Variants in NAV3 observed in about 807,000 individuals in gnomAD.
NAV3 encodes the protein pore membrane and/or filament interacting like protein 1.
In NAV3, 87 loss-of-function variants were observed where a neutral mutation model predicts 244.7. The observed-to-expected ratio is 0.36, with a 90% confidence interval of 0.30 to 0.42. The LOEUF (loss-of-function observed/expected upper bound fraction) is 0.42, where lower values mean the gene tolerates loss of function less well. Ranked by LOEUF, NAV3 falls within the 20% of genes least tolerant of loss-of-function variation. NAV3 has a pLI of 1.00. For missense variants in NAV3, 2,663 were observed against 2,893.3 expected (o/e 0.92, Z 1.83); for synonymous variants, 1,126 against 1,042.2 (o/e 1.08, Z -1.55).
chr12:78,180,813 TG>T (rs1958465905), intron 29 of NAV3, 57 bp from the exon 30 acceptor site: 3 of 1,398,486 alleles, frequency 2.1e-6, no homozygotes, highest in Admixed American at 2.1e-5. Context: ...AAAGACTTGG[TG>T]CTATTTTCTC....
chr12:77,960,927 ATAT>A (rs1390297821), intron 3 of NAV3, among the ~76,000 whole-genome samples: 1 of 146,800 alleles, frequency 6.8e-6, no homozygotes, highest in Non-Finnish European at 1.5e-5. Flanking sequence ...TGTGTTTAAT[ATAT>A]TATGTGTATA....
At chr12:77,582,260 C>T (rs556729194) in intron 2 of NAV3, among the ~76,000 whole-genome samples, 132 of 152,304 alleles carry the variant, frequency 8.7e-4, no homozygotes, top group African/African-American at 3.1e-3. Flanking sequence ...GGACATTAAT[C>T]TACAAAGCCT....
At chr12:77,709,357 G>A (rs1410541489) in intron 2 of NAV3, among the ~76,000 whole-genome samples, 1 of 152,118 alleles carries the variant, frequency 6.6e-6, no homozygotes, top group Non-Finnish European at 1.5e-5. Flanking sequence ...TACTGAATGG[G>A]CAAAAACTGG....
intron 23 of NAV3, among the ~76,000 whole-genome samples, chr12:78,164,694 G>T (rs921074201): frequency 6.6e-6 from 1 of 152,022 alleles, no homozygotes; most frequent in Non-Finnish European, 1.5e-5. Context: ...GGTTATTTCA[G>T]TAGAACAACT....
At chr12:77,587,538 T>TA (rs1291069841) in intron 2 of NAV3, among the ~76,000 whole-genome samples, 2 of 152,342 alleles carry the variant, frequency 1.3e-5, no homozygotes, top group African/African-American at 4.8e-5. Flanking sequence ...AGTAAAATGT[T>TA]AATCAGCAAA....
intron 23 of NAV3, 22 bp downstream of exon 23, chr12:78,159,308 G>A (rs1957428017): frequency 6.2e-7 from 1 of 1,600,130 alleles, no homozygotes; most frequent in African/African-American, 1.3e-5. Flanking sequence ...AATTGCCACT[G>A]GAGACTGAAA....
intron 17 of NAV3, among the ~76,000 whole-genome samples, 156 bp downstream of exon 17, chr12:78,127,364 T>G (rs1955958071): frequency 6.6e-6 from 1 of 152,190 alleles, no homozygotes; most frequent in African/African-American, 2.4e-5. Context: ...GAACAGTTGG[T>G]GAGATAGCCC....
chr12:77,672,867 T>G (rs779210089), intron 2 of NAV3, among the ~76,000 whole-genome samples: 1 of 152,152 alleles, frequency 6.6e-6, no homozygotes, highest in South Asian at 2.1e-4. Context: ...TTTTAGTTAG[T>G]GTAAAATTGA....
At chr12:78,118,005 T>C (rs781751551) in intron 13 of NAV3, 22 bp from the exon 14 acceptor site, 1 of 1,530,866 alleles carries the variant, frequency 6.5e-7, no homozygotes, top group Middle Eastern at 1.8e-4. Flanking sequence ...ATAAAGTTTT[T>C]CTGTAATATT....
chr12:77,701,766 C>A (rs1180319244), intron 2 of NAV3, among the ~76,000 whole-genome samples: 2 of 151,854 alleles, frequency 1.3e-5, no homozygotes, highest in South Asian at 2.1e-4. Flanking sequence ...CATGTTCATT[C>A]CAAATCTGGG....
At chr12:77,816,586 C>T (rs1872535646) in intron 2 of NAV3, among the ~76,000 whole-genome samples, 2 of 152,174 alleles carry the variant, frequency 1.3e-5, no homozygotes, top group Non-Finnish European at 2.9e-5. Context: ...TTGCATGGTG[C>T]TTGGTTGTGA....
intron 2 of NAV3, among the ~76,000 whole-genome samples, chr12:77,646,928 C>T (rs2136973776): frequency 6.6e-6 from 1 of 152,092 alleles, no homozygotes; most frequent in South Asian, 2.1e-4. Context: ...TAGTTTGAAC[C>T]ATCCGAGCTT....
chr12:77,963,119 G>A (rs1330964081), intron 3 of NAV3, among the ~76,000 whole-genome samples: 1 of 151,982 alleles, frequency 6.6e-6, no homozygotes, highest in Non-Finnish European at 1.5e-5. Context: ...CTGTTTGTAA[G>A]TTACCAAAAA....
intron 1 of NAV3, among the ~76,000 whole-genome samples, chr12:77,876,616 T>C (rs1284457273): frequency 6.6e-6 from 1 of 152,082 alleles, no homozygotes; most frequent in Non-Finnish European, 1.5e-5. Context: ...ATTAGTGGAA[T>C]CTATAGACAG....
chr12:78,167,740 A>G (rs1293680012), intron 23 of NAV3, among the ~76,000 whole-genome samples: 3 of 151,626 alleles, frequency 2.0e-5, no homozygotes, highest in African/African-American at 7.3e-5. Flanking sequence ...ATACATTACC[A>G]AGGAATTCTC....
intron 2 of NAV3, among the ~76,000 whole-genome samples, chr12:77,600,642 T>C (rs1026769831): frequency 1.3e-5 from 2 of 151,976 alleles, no homozygotes; most frequent in African/African-American, 2.4e-5. Flanking sequence ...AGGGAATGAG[T>C]GTGTCTCGCA....
intron 2 of NAV3, among the ~76,000 whole-genome samples, chr12:77,706,523 C>G (rs1289567042): frequency 6.6e-6 from 1 of 151,084 alleles, no homozygotes; most frequent in Non-Finnish European, 1.5e-5. Flanking sequence ...CTTGGCTGAT[C>G]GTTATCAATA....
chr12:77,627,969 T>C (rs1283318369), intron 2 of NAV3, among the ~76,000 whole-genome samples: 2 of 152,122 alleles, frequency 1.3e-5, no homozygotes, highest in Non-Finnish European at 1.5e-5. Context: ...AGAAAGTTGA[T>C]GTCATGGAGG....
intron 2 of NAV3, among the ~76,000 whole-genome samples, chr12:77,584,249 C>A (rs540508174): frequency 9.1e-4 from 138 of 152,246 alleles, no homozygotes; most frequent in Non-Finnish European, 1.4e-3. Context: ...TACTCAGGAA[C>A]TATTGCTATG....
Sources: allele counts gnomAD v4.1 joint callset (sites outside exome capture counted in the v4.1 genomes callset), GRCh38; gene constraint gnomAD v4.1.1; transcripts MANE v1.5; gene names NCBI Gene and HGNC (gene_info 2026-07-23, HGNC 2026-07-21).